Variants in DRC11 observed in about 807,000 individuals in gnomAD.
DRC11 encodes the protein IQ and AAA domain-containing protein 1.
the DRC11 span, among the ~76,000 whole-genome samples, chr2:236,435,923 CAA>C: frequency 0.03 from 4,577 of 152,236 alleles, 230 homozygotes; most frequent in East Asian, 0.18. Context: ...ATAAATTCCT[CAA>C]AGAGCATTTA....
the DRC11 span, among the ~76,000 whole-genome samples, chr2:236,326,506 T>C: frequency 1.3e-5 from 2 of 152,220 alleles, no homozygotes; most frequent in African/African-American, 4.8e-5. Context: ...TTCATTTCCT[T>C]TGTCATTTTA....
At chr2:236,381,629 C>T in the DRC11 span, among the ~76,000 whole-genome samples, 2 of 152,242 alleles carry the variant, frequency 1.3e-5, no homozygotes, top group Non-Finnish European at 2.9e-5. This position sits in a 1 kb window ranked among gnomAD's most constrained non-coding sequence, Gnocchi z 5.8. Flanking sequence ...CAGGGCCTGG[C>T]AACAGTCTAC....
At chr2:236,337,083 C>T in the DRC11 span, among the ~76,000 whole-genome samples, 4 of 152,172 alleles carry the variant, frequency 2.6e-5, no homozygotes, top group Admixed American at 1.3e-4. The surrounding 1 kb of genome is among the most constrained non-coding windows in gnomAD (Gnocchi z 4.9). Flanking sequence ...GTGCCCACGA[C>T]GGCCAGCAGC....
At chr2:236,371,056 G>T in the DRC11 span, among the ~76,000 whole-genome samples, 1 of 152,180 alleles carries the variant, frequency 6.6e-6, no homozygotes, top group Non-Finnish European at 1.5e-5. This position sits in a 1 kb window ranked among gnomAD's most constrained non-coding sequence, Gnocchi z 5.1. Flanking sequence ...GAGCACGCTG[G>T]ATCTGTGCAG....
chr2:236,507,144 T>TGCGAG, the DRC11 span: 1 of 1,077,724 alleles, frequency 9.3e-7, no homozygotes, highest in African/African-American at 1.6e-5. Context: ...GGAGGGAAGT[T>TGCGAG]GAGAGGGGAG....
the DRC11 span, among the ~76,000 whole-genome samples, chr2:236,431,258 G>T: frequency 6.6e-6 from 1 of 152,112 alleles, no homozygotes; most frequent in Non-Finnish European, 1.5e-5. This position sits in a 1 kb window ranked among gnomAD's most constrained non-coding sequence, Gnocchi z 4.2. Context: ...ATCCAACACT[G>T]AGTAATTTAT....
At chr2:236,353,986 G>A in the DRC11 span, among the ~76,000 whole-genome samples, 6 of 152,106 alleles carry the variant, frequency 3.9e-5, no homozygotes, top group Non-Finnish European at 8.8e-5. This position sits in a 1 kb window ranked among gnomAD's most constrained non-coding sequence, Gnocchi z 5.0. Flanking sequence ...ACTTGCGGAG[G>A]TTACTTCAAG....
chr2:236,446,972 C>T, the DRC11 span, among the ~76,000 whole-genome samples: 1 of 148,784 alleles, frequency 6.7e-6, no homozygotes, highest in Non-Finnish European at 1.5e-5. This position sits in a 1 kb window ranked among gnomAD's most constrained non-coding sequence, Gnocchi z 6.2. Context: ...CCCTCTCCTC[C>T]TTCTGTGCCT....
At chr2:236,341,673 G>A in the DRC11 span, among the ~76,000 whole-genome samples, 2 of 152,198 alleles carry the variant, frequency 1.3e-5, no homozygotes, top group Non-Finnish European at 2.9e-5. Flanking sequence ...TGTGGTTTAG[G>A]TGCACCAGGA....
the DRC11 span, chr2:236,408,537 C>T: frequency 1.9e-5 from 14 of 728,748 alleles, no homozygotes; most frequent in African/African-American, 5.2e-5. The surrounding 1 kb of genome is among the most constrained non-coding windows in gnomAD (Gnocchi z 5.5). Flanking sequence ...TCTCCATCAG[C>T]GGGGCCTTCT....
the DRC11 span, among the ~76,000 whole-genome samples, chr2:236,362,704 G>A: frequency 1.3e-5 from 2 of 152,080 alleles, no homozygotes; most frequent in African/African-American, 4.8e-5. The surrounding 1 kb of genome is among the most constrained non-coding windows in gnomAD (Gnocchi z 5.7). Context: ...TCAACTGTAG[G>A]TAAATGACTT....
the DRC11 span, among the ~76,000 whole-genome samples, chr2:236,449,293 T>C: frequency 6.6e-6 from 1 of 152,140 alleles, no homozygotes; most frequent in Non-Finnish European, 1.5e-5. The surrounding 1 kb of genome is among the most constrained non-coding windows in gnomAD (Gnocchi z 5.1). Flanking sequence ...TGGCATGACA[T>C]GTCTTCTGTT....
the DRC11 span, among the ~76,000 whole-genome samples, chr2:236,366,219 A>G: frequency 6.6e-6 from 1 of 152,056 alleles, no homozygotes; most frequent in Admixed American, 6.5e-5. Flanking sequence ...TTCTCTAACA[A>G]GGTGGTTTCG....
the DRC11 span, chr2:236,412,891 A>G: frequency 1.3e-5 from 2 of 152,296 alleles, no homozygotes; most frequent in African/African-American, 4.8e-5. Flanking sequence ...TAGGCTGTAG[A>G]ATGGCAGGAG....
the DRC11 span, among the ~76,000 whole-genome samples, chr2:236,391,747 G>A: frequency 1.3e-5 from 2 of 151,794 alleles, no homozygotes; most frequent in Admixed American, 6.6e-5. The surrounding 1 kb of genome is among the most constrained non-coding windows in gnomAD (Gnocchi z 4.5). Context: ...GCAACTGACC[G>A]GGGCTGGGGA....
chr2:236,505,430 C>T, the DRC11 span, among the ~76,000 whole-genome samples: 1 of 152,138 alleles, frequency 6.6e-6, no homozygotes, highest in Non-Finnish European at 1.5e-5. Flanking sequence ...TCTTGCTCTA[C>T]GGAAGGCCTG....
the DRC11 span, among the ~76,000 whole-genome samples, chr2:236,492,330 G>A: frequency 8.9e-3 from 1,357 of 152,312 alleles, 28 homozygotes; most frequent in African/African-American, 0.031. Context: ...ATCCAGCAGG[G>A]AACATGCCTA....
At chr2:236,424,260 A>C in the DRC11 span, among the ~76,000 whole-genome samples, 1 of 152,198 alleles carries the variant, frequency 6.6e-6, no homozygotes, top group Non-Finnish European at 1.5e-5. Context: ...AATTATGAGC[A>C]GCTGAAAAGA....
At chr2:236,449,671 T>G in the DRC11 span, among the ~76,000 whole-genome samples, 3 of 152,360 alleles carry the variant, frequency 2.0e-5, no homozygotes, top group Admixed American at 1.3e-4. This position sits in a 1 kb window ranked among gnomAD's most constrained non-coding sequence, Gnocchi z 5.1. Context: ...GCATCTCTGC[T>G]AGCCCCGCAG....
Sources: allele counts gnomAD v4.1 joint callset (sites outside exome capture counted in the v4.1 genomes callset), GRCh38; gene constraint gnomAD v4.1.1; non-coding constraint Gnocchi (gnomAD v3.1); transcripts MANE v1.5; gene names NCBI Gene and HGNC (gene_info 2026-07-23, HGNC 2026-07-21).